Variants in ATP1A1 observed in about 807,000 individuals in gnomAD.
ATP1A1 encodes sodium/potassium-transporting ATPase subunit alpha-1.
In ATP1A1, 14 loss-of-function variants were observed where a neutral mutation model predicts 114.8. The ratio of observed to expected loss-of-function variants is 0.12; its 90% CI spans 0.08 to 0.19. ATP1A1 has a LOEUF of 0.19. Among genes scored for constraint, ATP1A1 ranks in the 10% least tolerant of loss-of-function variants. The probability of loss-of-function intolerance (pLI) is 1.00; values close to 1 mark genes in which losing one functional copy is unlikely to be tolerated. For synonymous variants in ATP1A1, 471 were observed against 466.3 expected, an observed-to-expected ratio of 1.01 and a Z score of -0.13; for missense variants, 524 against 1,290.7, an observed-to-expected ratio of 0.41 and a Z score of 9.10.
Position 116,404,540 on chromosome 1 carries a change from T to C in ATP1A1, c.*96T>C. On this transcript the variant is annotated 3_prime_UTR_variant, in exon 23 of 23. Coordinates refer to ENST00000295598, the MANE Select transcript of ATP1A1 (RefSeq NM_000701.8). This position sits in a 1 kb window ranked among gnomAD's most constrained non-coding sequence, Gnocchi z 4.8. ...ACTTCAGTCTTGGAGTTTGGAACTC[T>C]ACCCTGGTAGGAAAGCACCGCAGCA... 3 of 1,491,158 alleles carry C rather than the reference T, an allele frequency of 2.0e-6. No individual in the cohort carries two copies. Among genetic ancestry groups the C allele is most frequent in the South Asian group, 1.4e-5 (1 of 72,020 alleles). 92.4% of individuals were successfully genotyped at this position (1,491,158 alleles called of 1,614,324 possible). A position where few individuals can be genotyped will look rare whatever the true frequency, so the allele number is the denominator to read the frequency against.
At chr1:116,383,895 TTA>T in intron 1 of ATP1A1, 117 bp from the exon 2 acceptor site, 1 of 801,104 alleles carries the variant, frequency 1.2e-6, no homozygotes, top group Non-Finnish European at 2.1e-6. Flanking sequence ...GACTATTATC[TTA>T]ATGACTATTC....
Position 116,401,534 on chromosome 1 carries a change from C to T in ATP1A1, c.2850-20C>T, listed in dbSNP as rs779869105. On this transcript the variant is annotated intron_variant, in intron 20 of 22. Transcript: ENST00000295598. The surrounding 1 kb of genome is among the most constrained non-coding windows in gnomAD (Gnocchi z 4.7). ...TTTATTTGCACCTTTTAAGTTTTTT[C>T]TCCCCTACTTTGATTTTAGGAACAA... The T allele has an allele frequency of 3.7e-6, 6 of 1,611,638 alleles. No homozygotes were observed. The South Asian group carries it at 4.4e-5, about 12-fold the overall frequency.
rs1159387961 is a variant in ATP1A1, at chr1:116,387,304, G to A, written c.200G>A (p.Arg67His). 14 of 1,613,966 alleles carry A rather than the reference G, an allele frequency of 8.7e-6. No individual in the cohort carries two copies. Among genetic ancestry groups the A allele is most frequent in the East Asian group, 6.7e-5 (3 of 44,902 alleles). The change falls in exon 4 of 23, where the codon CGT becomes CAT. Residue 67 changes from arginine to histidine, a missense_variant. By Grantham distance (29) the Arg-to-His change is conservative. Transcript: ENST00000295598. This position sits in a 1 kb window ranked among gnomAD's most constrained non-coding sequence, Gnocchi z 6.7. The part of the protein sequence containing the change: ...TDLSRGLTSA[R>H]AAEILARDGP... ...GCTTCTCAGGGATTAACATCTGCTCGTGCAGCTGAGATCCTGGCGCGAGAT... is the reference window on the plus strand; with the variant it reads ...GCTTCTCAGGGATTAACATCTGCTCATGCAGCTGAGATCCTGGCGCGAGAT...
intron 21 of ATP1A1, chr1:116,402,004 C>T (rs1653523667): frequency 1.4e-5 from 3 of 222,100 alleles, no homozygotes; most frequent in South Asian, 1.2e-4. Flanking sequence ...GGAGCGTAGG[C>T]GCCCAGGCTC....
At chr1:116,379,038 TC>T (rs1259241803) in intron 1 of ATP1A1, among the ~76,000 whole-genome samples, 1 of 152,216 alleles carries the variant, frequency 6.6e-6, no homozygotes, top group East Asian at 1.9e-4. Context: ...GTGCACTGAT[TC>T]TTTACACCTT....
At position 116,404,476 on chromosome 1, in the gene ATP1A1, C is replaced by A. The variant is rs771117757; in HGVS notation, c.*32C>A. On this transcript the variant is annotated 3_prime_UTR_variant, in exon 23 of 23. Transcript: ENST00000295598. The surrounding 1 kb of genome is among the most constrained non-coding windows in gnomAD (Gnocchi z 4.8). ...GTCCTGCACGCCGTGGAGCATCAGG[C>A]CACACACTCTGCATCCGACACCCAC... The A allele has an allele frequency of 1.3e-6, 2 of 1,598,208 alleles. No individual in the cohort carries two copies.
chr1:116,395,239 C>T lies in ATP1A1; in HGVS notation c.1790C>T (p.Ala597Val). ...ATCTCCATGATTGACCCTCCACGGG[C>T]GGCCGTTCCTGATGCCGTGGGCAAA... is the stretch of plus-strand genomic sequence containing the variant. Reference protein sequence around the residue: ...GLISMIDPPRAAVPDAVGKCR... With the variant: ...GLISMIDPPRVAVPDAVGKCR... Residue 597 changes from alanine (A) to valine (V), a missense_variant, in exon 13 of 23, where the codon GCG becomes GTG. Coordinates refer to ENST00000295598, the MANE Select transcript of ATP1A1 (RefSeq NM_000701.8). This position sits in a 1 kb window ranked among gnomAD's most constrained non-coding sequence, Gnocchi z 6.4. The T allele has an allele frequency of 1.9e-6, 3 of 1,614,112 alleles. No homozygotes were observed. Among genetic ancestry groups the T allele is most frequent in the Non-Finnish European group, 1.7e-6 (2 of 1,179,998 alleles).
rs1652240553 is a variant in ATP1A1, at chr1:116,388,437, T to C, written c.501+193T>C. 6 of 984,376 alleles carry C rather than the reference T, an allele frequency of 6.1e-6. No individual in the cohort carries two copies. Among genetic ancestry groups the C allele is most frequent in the Non-Finnish European group, 8.8e-6 (6 of 680,086 alleles). 61.0% of individuals were successfully genotyped at this position (984,376 alleles called of 1,614,324 possible). ...GGTAGCCTTTCTTTTGAATGTAAAC[T>C]CTGAATACAGGCACACCATGTAACA... On this transcript the variant is annotated intron_variant, in intron 5 of 22. Transcript: ENST00000295598. The surrounding 1 kb of genome is among the most constrained non-coding windows in gnomAD (Gnocchi z 5.6).
At chr1:116,394,390 G>T (rs1397534531) in intron 12 of ATP1A1, among the ~76,000 whole-genome samples, 1 of 151,924 alleles carries the variant, frequency 6.6e-6, no homozygotes, top group Non-Finnish European at 1.5e-5. Flanking sequence ...CTAACTCATG[G>T]TATCTTTCGT....
chr1:116,404,360 C>G lies in ATP1A1; in HGVS notation c.3044-56C>G, dbSNP rs373144281. ...TTCATCCCTGTTTCCCTCTGTAATG[C>G]TGGAGCGAGGAAGACTCACTGTAGT... is the stretch of plus-strand genomic sequence containing the variant. On this transcript the variant is annotated intron_variant, in intron 22 of 22. Transcript: ENST00000295598. This position sits in a 1 kb window ranked among gnomAD's most constrained non-coding sequence, Gnocchi z 4.8. 4 of 1,609,204 alleles carry G rather than the reference C, an allele frequency of 2.5e-6. No individual in the cohort carries two copies. The African/African-American group carries it at 5.3e-5, about 22-fold the overall frequency.
chr1:116,393,029 G>A lies in ATP1A1; in HGVS notation c.1467+41G>A, dbSNP rs1340472374. The A allele has an allele frequency of 3.1e-6, 5 of 1,608,324 alleles. No homozygotes were observed. Among genetic ancestry groups the A allele is most frequent in the Non-Finnish European group, 4.2e-6 (5 of 1,176,784 alleles). ...GGTACACGGAGGGCGAGGGCAAGCT[G>A]GGGGACAAAGAGGGGAGGTACATGA... On this transcript the variant is annotated intron_variant, in intron 11 of 22. Transcript: ENST00000295598. The surrounding 1 kb of genome is among the most constrained non-coding windows in gnomAD (Gnocchi z 5.0).
In ATP1A1 at chr1:116,401,899, G is replaced by C; in HGVS notation, c.2951+244G>C. On this transcript the variant is annotated intron_variant, in intron 21 of 22. Transcript: ENST00000295598. The surrounding 1 kb of genome is among the most constrained non-coding windows in gnomAD (Gnocchi z 4.7). ...ATAAGATAAAGCCACACAGGCTCTA[G>C]CTCCATGGAACTGCTCAACAGCGAA... 1 of 550,580 alleles carries C rather than the reference G, an allele frequency of 1.8e-6. No individual in the cohort carries two copies. Among genetic ancestry groups the C allele is most frequent in the East Asian group, 3.2e-5 (1 of 31,694 alleles). The allele number at this position is 550,580 out of a possible 1,614,324, so 34.1% of individuals were successfully genotyped here. A position where few individuals can be genotyped will look rare whatever the true frequency, so the allele number is the denominator to read the frequency against.
At position 116,388,752 on chromosome 1, in the gene ATP1A1, A is replaced by G. The variant is rs1232676566; in HGVS notation, c.616A>G (p.Ile206Val). The change falls in exon 6 of 23, where the codon ATA (isoleucine) becomes GTA (valine). Residue 206 changes from isoleucine (I) to valine (V), a missense_variant. Coordinates refer to ENST00000295598, the MANE Select transcript of ATP1A1 (RefSeq NM_000701.8). This position sits in a 1 kb window ranked among gnomAD's most constrained non-coding sequence, Gnocchi z 5.6. ...GDRIPADLRI[I>V]SANGCKVDNS... is the part of the protein sequence containing the mutation. The stretch of plus-strand genomic sequence containing the variant: ...CCGAATTCCTGCTGACCTCAGAATC[A>G]TATCTGCAAATGGCTGCAAGGTAGC... The G allele has an allele frequency of 3.1e-6, 5 of 1,614,218 alleles. No individual in the cohort carries two copies. Among genetic ancestry groups the G allele is most frequent in the South Asian group, 1.1e-5 (1 of 91,074 alleles).
Position 116,398,690 on chromosome 1 carries a change from G to A in ATP1A1, c.2194G>A (p.Val732Ile), listed in dbSNP as rs1288773906. ...SPALKKADIGVAMGIAGSDVS... is the reference protein window; with the variant it reads ...SPALKKADIGIAMGIAGSDVS... Reference sequence around the variant, plus strand: ...AGCTTTGAAGAAAGCAGACATTGGGGTTGCTATGGGGATTGCTGGCTCAGA... The same window carrying A: ...AGCTTTGAAGAAAGCAGACATTGGGATTGCTATGGGGATTGCTGGCTCAGA... The change falls in exon 16 of 23, where the codon GTT becomes ATT. Residue 732 changes from valine to isoleucine, a missense_variant. Physicochemically the swap from Val to Ile is conservative, Grantham distance 29. Transcript: ENST00000295598. The surrounding 1 kb of genome is among the most constrained non-coding windows in gnomAD (Gnocchi z 6.1). The A allele has an allele frequency of 6.2e-7, 1 of 1,614,166 alleles. No individual in the cohort carries two copies. The highest frequency in any genetic ancestry group is 1.7e-5 in the Admixed American group (1 of 60,016).
chr1:116,390,529 C>CTTTTTTTTTTTTTT lies in ATP1A1; in HGVS notation c.1222+124_1222+125insTTTTTTTTTTTTTT, dbSNP rs1261190970. The CTTTTTTTTTTTTTT allele has an allele frequency of 6.3e-5, 57 of 911,738 alleles. No homozygotes were observed. In the African/African-American group the frequency reaches 1.2e-3, roughly 19 times the overall value. The allele number at this position is 911,738 out of a possible 1,614,324, so 56.5% of individuals were successfully genotyped here. On this transcript the variant is annotated intron_variant, in intron 9 of 22. Coordinates refer to ENST00000295598, the MANE Select transcript of ATP1A1 (RefSeq NM_000701.8). ...TTAAGCTCATGGCAGCTTTTTCTTT[C>CTTTTTTTTTTTTTT]TTTTTTGTTTTTTTTTTTTTTATCA... is the stretch of plus-strand genomic sequence containing the variant.
Position 116,401,240 on chromosome 1 carries a change from G to A in ATP1A1, c.2829G>A (p.Ser943=), listed in dbSNP as rs138167001. Residue 943 remains serine (S), a synonymous_variant, in exon 20 of 23, where the codon TCG becomes TCA. Coordinates refer to ENST00000295598, the MANE Select transcript of ATP1A1 (RefSeq NM_000701.8). The surrounding 1 kb of genome is among the most constrained non-coding windows in gnomAD (Gnocchi z 4.7). The stretch of plus-strand genomic sequence containing the variant: ...TCATCTGTAAGACCAGGAGGAATTC[G>A]GTCTTCCAGCAGGGGATGAAGTAAG... ...DLVICKTRRN[S]VFQQGMKNKI... 5.4e-5 allele frequency: 87 copies of A among 1,614,170 alleles called. No individual in the cohort carries two copies. In the Middle Eastern group the frequency reaches 8.2e-4, roughly 15 times the overall value.
Position 116,399,257 on chromosome 1 carries a change from C to A in ATP1A1, c.2449-163C>A. 1.5e-6 allele frequency: 2 copies of A among 1,338,926 alleles called. No homozygotes were observed. Among genetic ancestry groups the A allele is most frequent in the Non-Finnish European group, 2.1e-6 (2 of 974,326 alleles). The allele number at this position is 1,338,926 out of a possible 1,614,324, so 82.9% of individuals were successfully genotyped here. On this transcript the variant is annotated intron_variant, in intron 17 of 22. Coordinates refer to ENST00000295598, the MANE Select transcript of ATP1A1 (RefSeq NM_000701.8). The surrounding 1 kb of genome is among the most constrained non-coding windows in gnomAD (Gnocchi z 5.0). ...TCACAGAATCAGTATTACCACTCTT[C>A]AAGGCAGCAGTTAACATTTGTTTAT...
chr1:116,395,026 G>T lies in ATP1A1; in HGVS notation c.1661-84G>T, dbSNP rs1233471358. The T allele has an allele frequency of 2.8e-6, 4 of 1,404,594 alleles. No individual in the cohort carries two copies. The highest frequency in any genetic ancestry group is 3.9e-6 in the Non-Finnish European group (4 of 1,033,958). 87.0% of individuals were successfully genotyped at this position (1,404,594 alleles called of 1,614,324 possible). A position where few individuals can be genotyped will look rare whatever the true frequency, so the allele number is the denominator to read the frequency against. On this transcript the variant is annotated intron_variant, in intron 12 of 22. Transcript: ENST00000295598. This position sits in a 1 kb window ranked among gnomAD's most constrained non-coding sequence, Gnocchi z 6.4. The stretch of plus-strand genomic sequence containing the variant: ...TTCCAAAGTAAACACTCCAGAGAAA[G>T]GTAGGCGGGCTGAATAGGCTGCTGT...
At position 116,381,499 on chromosome 1, in the gene ATP1A1, G is replaced by GA. The variant is rs2101034830; in HGVS notation, c.13-2510dup. Among the ~76,000 whole-genome samples, 1 of 152,286 alleles carries GA rather than the reference G, an allele frequency of 6.6e-6. No homozygotes were observed. Among genetic ancestry groups the GA allele is most frequent in the South Asian group, 2.1e-4 (1 of 4,828 alleles). On this transcript the variant is annotated intron_variant, in intron 1 of 22. Transcript: ENST00000295598. This position sits in a 1 kb window ranked among gnomAD's most constrained non-coding sequence, Gnocchi z 5.1. Reference sequence around the variant, plus strand: ...CTAGTGAAAAAATTAAAATTTTGAAGAAAAAGCAGTTTTACTTGTTAATAC... The same window carrying GA: ...CTAGTGAAAAAATTAAAATTTTGAAGAAAAAAGCAGTTTTACTTGTTAATAC...
Sources: allele counts gnomAD v4.1 joint callset (sites outside exome capture counted in the v4.1 genomes callset), GRCh38; gene constraint gnomAD v4.1.1; non-coding constraint Gnocchi (gnomAD v3.1); transcripts MANE v1.5; gene names NCBI Gene and HGNC (gene_info 2026-07-23, HGNC 2026-07-21).